The following CTIF variants were observed in gnomAD, a reference collection of about 807,000 sequenced individuals.
The protein encoded by CTIF is cap binding complex dependent translation initiation factor, also known as CBP80/20-dependent translation initiation factor.
In CTIF, 21 loss-of-function variants were observed where a neutral mutation model predicts 66.0. That is an observed-to-expected ratio of 0.32 (90% CI 0.23 to 0.46). The LOEUF (loss-of-function observed/expected upper bound fraction) is 0.46, where lower values mean the gene tolerates loss of function less well. Ranked by LOEUF, CTIF falls within the 20% of genes least tolerant of loss-of-function variation. The pLI, the probability that CTIF is intolerant of heterozygous loss-of-function variation, is 1.00. For synonymous variants in CTIF, 345 were observed against 326.4 expected, an observed-to-expected ratio of 1.06 and a Z score of -0.62; for missense variants, 739 against 812.7, an observed-to-expected ratio of 0.91 and a Z score of 1.10.
intron 2 of CTIF, among the ~76,000 whole-genome samples, chr18:48,626,654 T>G (rs1440168455): frequency 3.0e-5 from 4 of 134,210 alleles, no homozygotes; most frequent in African/African-American, 1.4e-4. Flanking sequence ...CGTTTTTTTT[T>G]TGTTTTTTTT....
At chr18:48,612,372 C>G (rs368431768) in intron 1 of CTIF, among the ~76,000 whole-genome samples, 14 of 152,318 alleles carry the variant, frequency 9.2e-5, no homozygotes, top group African/African-American at 3.1e-4. Flanking sequence ...CTGGGGGCCA[C>G]CTGACAGCCT....
intron 1 of CTIF, among the ~76,000 whole-genome samples, chr18:48,572,885 C>A (rs558884358): frequency 6.6e-6 from 1 of 152,200 alleles, no homozygotes; most frequent in East Asian, 1.9e-4. Context: ...CCTAGCTACT[C>A]AGGAGGCCGA....
intron 2 of CTIF, chr18:48,621,568 C>A (rs2090493832): frequency 2.6e-6 from 1 of 390,362 alleles, no homozygotes; most frequent in Non-Finnish European, 5.0e-6. Context: ...GGGAACCAGG[C>A]TGCTCCTGGA....
chr18:48,603,261 G>T (rs577225964), intron 1 of CTIF, among the ~76,000 whole-genome samples: 9 of 150,186 alleles, frequency 6.0e-5, no homozygotes, highest in African/African-American at 2.2e-4. Flanking sequence ...TGGATGGATG[G>T]ATGCAGGGCA....
intron 10 of CTIF, among the ~76,000 whole-genome samples, chr18:48,857,035 C>T (rs2069344139): frequency 6.6e-6 from 1 of 152,192 alleles, no homozygotes; most frequent in Non-Finnish European, 1.5e-5. Context: ...AGTTAGGAAA[C>T]AGTTCCAGCC....
rs1479269322 is a variant in CTIF at position 48,711,630 on chromosome 18, G to A, written c.519G>A (p.Pro173=). 39 of 1,613,974 alleles carry A rather than the reference G, an allele frequency of 2.4e-5. No homozygotes were observed. Among genetic ancestry groups the A allele is most frequent in the Middle Eastern group, 1.7e-4 (1 of 6,060 alleles). The change falls in exon 7 of 12, where the codon CCG becomes CCA. Residue 173 remains proline, a synonymous_variant. Transcript: ENST00000256413. ...KVLPAWQGYH[P]MPHEVEIAHT... is the part of the protein sequence containing the mutation. ...CCCCCATGACACAGGGCTACCACCC[G>A]ATGCCCCATGAAGTGGAGATCGCAC...
chr18:48,835,507 T>TG (rs1289024597), intron 10 of CTIF, among the ~76,000 whole-genome samples: 1 of 152,088 alleles, frequency 6.6e-6, no homozygotes, highest in East Asian at 1.9e-4. Context: ...TGTGCAGAGG[T>TG]GCATTTTTCT....
At chr18:48,712,716 G>A (rs1163978104) in intron 7 of CTIF, among the ~76,000 whole-genome samples, 2 of 152,210 alleles carry the variant, frequency 1.3e-5, no homozygotes, top group Non-Finnish European at 2.9e-5. Context: ...CCCTAGCGGC[G>A]CCTGTGCTCA....
chr18:48,610,266 G>C (rs2090281861), intron 1 of CTIF, among the ~76,000 whole-genome samples: 1 of 152,236 alleles, frequency 6.6e-6, no homozygotes, highest in Non-Finnish European at 1.5e-5. Context: ...GGTGCCAAGG[G>C]AGCAGGTGGG....
chr18:48,636,763 G>C (rs1157840923), intron 3 of CTIF, 78 bp downstream of exon 3: 1 of 1,131,700 alleles, frequency 8.8e-7, no homozygotes, highest in African/African-American at 1.6e-5. Context: ...GCCCACAGTG[G>C]CTCCTGAGGA....
At chr18:48,631,346 G>T (rs1277266386) in intron 2 of CTIF, among the ~76,000 whole-genome samples, 4 of 152,176 alleles carry the variant, frequency 2.6e-5, no homozygotes, top group Non-Finnish European at 5.9e-5. Flanking sequence ...AACGCCTGTA[G>T]TCCCAGCTAC....
intron 9 of CTIF, among the ~76,000 whole-genome samples, chr18:48,806,469 G>A (rs2068149618): frequency 6.6e-6 from 1 of 152,216 alleles, no homozygotes; most frequent in Admixed American, 6.5e-5. Flanking sequence ...CAGGGTCACT[G>A]GGGGCATAGC....
intron 3 of CTIF, among the ~76,000 whole-genome samples, chr18:48,663,447 G>C (rs989490926): frequency 5.3e-5 from 8 of 152,144 alleles, no homozygotes; most frequent in Admixed American, 5.2e-4. Flanking sequence ...CAGTGGTGAT[G>C]GTGGCTCTGG....
intron 1 of CTIF, among the ~76,000 whole-genome samples, chr18:48,549,741 C>T (rs983729068): frequency 2.4e-4 from 36 of 152,288 alleles, no homozygotes; most frequent in Admixed American, 1.1e-3. Flanking sequence ...TGAAGAGAAA[C>T]GGGTCAGTAC....
At chr18:48,702,401 C>T (rs2092096158) in intron 6 of CTIF, among the ~76,000 whole-genome samples, 1 of 152,162 alleles carries the variant, frequency 6.6e-6, no homozygotes, top group African/African-American at 2.4e-5. Flanking sequence ...TTAAGGGGGT[C>T]GTGGAATCCA....
chr18:48,841,715 C>T (rs1885130373), intron 10 of CTIF, among the ~76,000 whole-genome samples: 2 of 152,250 alleles, frequency 1.3e-5, no homozygotes, highest in South Asian at 4.2e-4. Flanking sequence ...CTCCCACCAG[C>T]CCGGTGCCTG....
Position 48,765,756 on chromosome 18 carries a change from G to C in CTIF, c.1371+4067G>C, listed in dbSNP as rs372306966. Among the ~76,000 whole-genome samples the C allele has an allele frequency of 5.3e-5, 8 of 152,256 alleles. No individual in the cohort carries two copies. The South Asian group carries it at 1.7e-3, about 32-fold the overall frequency. Reference sequence around the variant, plus strand: ...ATTCTCATGAGCCATGACAGTGCTGGAGACCTTGGGGTCTCAGAGGACCCC... The same window carrying C: ...ATTCTCATGAGCCATGACAGTGCTGCAGACCTTGGGGTCTCAGAGGACCCC... On this transcript the variant is annotated intron_variant, in intron 9 of 11. Coordinates refer to ENST00000256413, the MANE Select transcript of CTIF (RefSeq NM_014772.3).
intron 9 of CTIF, among the ~76,000 whole-genome samples, chr18:48,778,857 G>T (rs1437140184): frequency 6.6e-6 from 1 of 152,246 alleles, no homozygotes; most frequent in South Asian, 2.1e-4. Flanking sequence ...CAGTCCAGCA[G>T]GTCGCGCTGG....
chr18:48,777,912 G>A (rs1346270259), intron 9 of CTIF, among the ~76,000 whole-genome samples: 2 of 152,156 alleles, frequency 1.3e-5, no homozygotes, highest in Non-Finnish European at 1.5e-5. Context: ...TTCCGTGTGG[G>A]GTGTCAGCTC....
Sources: gnomAD v4.1 joint callset for allele counts (sites outside exome capture counted in the v4.1 genomes callset) on GRCh38, gnomAD v4.1.1 for gene constraint, MANE v1.5 for transcripts, NCBI Gene and HGNC (gene_info 2026-07-23, HGNC 2026-07-21) for gene names.